AFAP1L2: variants seen among roughly 807,000 people sequenced by gnomAD.
AFAP1L2 encodes the protein actin filament-associated protein 1-like 2.
AFAP1L2 carries 46 observed loss-of-function variants against 99.3 expected under a neutral mutation model. That is an observed-to-expected ratio of 0.46 (90% CI 0.37 to 0.59). The LOEUF (loss-of-function observed/expected upper bound fraction) is 0.59. Ranked by LOEUF, AFAP1L2 falls within the 20% of genes least tolerant of loss-of-function variation. AFAP1L2 has a pLI of 0.00. For missense variants in AFAP1L2, 959 were observed against 1,034.9 expected (o/e 0.93, Z 1.01); for synonymous variants, 397 against 419.1 (o/e 0.95, Z 0.64).
At position 114,360,509 on chromosome 10, in the gene AFAP1L2, TTAGA is replaced by T. The variant is rs57811868; in HGVS notation, c.17-19782_17-19779del. On this transcript the variant is annotated intron_variant, in intron 1 of 18. Transcript: ENST00000304129. ...TCTAGATAGATAGATAGATAGATAG[TTAGA>T]TAGATAGATAGATAGATAGATAGAT... Among the ~76,000 whole-genome samples the T allele has an allele frequency of 3.2e-3, 345 of 107,378 alleles. 2 individuals are homozygous for T. Among genetic ancestry groups the T allele is most frequent in the African/African-American group, 0.011 (318 of 27,982 alleles). The allele number at this position is 107,378 out of a possible 152,430, so 70.4% of individuals were successfully genotyped here. A position where few individuals can be genotyped will look rare whatever the true frequency, so the allele number is the denominator to read the frequency against.
chr10:114,286,243 C>G, the AFAP1L2 span: 1 of 1,612,974 alleles, frequency 6.2e-7, no homozygotes, highest in Non-Finnish European at 8.5e-7. Flanking sequence ...AGCGTGGCTT[C>G]GGGAGCGCCA....
In AFAP1L2 at chr10:114,315,697, C is replaced by T. The variant is rs143236926; in HGVS notation, c.475G>A (p.Ala159Thr). 3.7e-5 allele frequency: 59 copies of T among 1,613,584 alleles called. No individual in the cohort carries two copies. In the East Asian group the frequency reaches 8.2e-4, roughly 23 times the overall value. The change falls in exon 6 of 19, where the codon GCC becomes ACC. Residue 159 changes from alanine to threonine, a missense_variant. Physicochemically the swap from Ala to Thr is moderately conservative, Grantham distance 58 (BLOSUM62 0). Around this residue, in one of 2 missense-constraint regions of AFAP1L2, gnomAD observed 383 missense variants for 472.8 expected, o/e 0.81. Coordinates refer to ENST00000304129, the MANE Select transcript of AFAP1L2 (RefSeq NM_001001936.3). ...TCCGGCGAGGGCCACTGGTAAGGGG[C>T]CGACTTGCCCTTGCTGCCGTCCTCT... ...DEEDGSKGKS[A>T]PYQWPSPEAG... is the part of the protein sequence containing the mutation.
intron 1 of AFAP1L2, among the ~76,000 whole-genome samples, chr10:114,362,561 C>T (rs377472791): frequency 1.3e-5 from 2 of 152,204 alleles, no homozygotes; most frequent in Non-Finnish European, 2.9e-5. Flanking sequence ...TCCCTAGAAT[C>T]AGCAGAGGGA....
chr10:114,295,845 C>T lies in AFAP1L2; in HGVS notation c.*197G>A. The T allele has an allele frequency of 3.5e-6, 5 of 1,414,490 alleles. No homozygotes were observed. The highest frequency in any genetic ancestry group is 4.6e-6 in the Non-Finnish European group (5 of 1,084,344). 87.6% of individuals were successfully genotyped at this position (1,414,490 alleles called of 1,614,324 possible). ...TAGACTTAGGTCTCCAAAGAAGCCTCCTTTTTGTTGTATTATTTCCTTTGG... is the reference window on the plus strand; with the variant it reads ...TAGACTTAGGTCTCCAAAGAAGCCTTCTTTTTGTTGTATTATTTCCTTTGG... On this transcript the variant is annotated 3_prime_UTR_variant, in exon 19 of 19. Coordinates refer to ENST00000304129, the MANE Select transcript of AFAP1L2 (RefSeq NM_001001936.3).
At chr10:114,382,018 A>G (rs2137450968) in intron 1 of AFAP1L2, among the ~76,000 whole-genome samples, 1 of 152,340 alleles carries the variant, frequency 6.6e-6, no homozygotes, top group East Asian at 1.9e-4. Flanking sequence ...GTTTGATACC[A>G]ATTTGTTGAT....
At chr10:114,365,618 A>T (rs1005227078) in intron 1 of AFAP1L2, among the ~76,000 whole-genome samples, 2 of 151,928 alleles carry the variant, frequency 1.3e-5, no homozygotes, top group African/African-American at 4.8e-5. Flanking sequence ...GGCCCCTACA[A>T]ATGCCTTTCT....
the AFAP1L2 span, chr10:114,281,165 G>A: frequency 2.0e-5 from 3 of 152,374 alleles, no homozygotes; most frequent in East Asian, 5.8e-4. Flanking sequence ...GCCCAGGGTG[G>A]GATCTTGTTG....
rs910634499 is a variant in AFAP1L2 at position 114,295,317 on chromosome 10, T to A, written c.*725A>T. 7 of 985,150 alleles carry A rather than the reference T, an allele frequency of 7.1e-6. No individual in the cohort carries two copies. In the African/African-American group the frequency reaches 1.0e-4, roughly 15 times the overall value. The allele number at this position is 985,150 out of a possible 1,614,324, so 61.0% of individuals were successfully genotyped here. ...GTTCTAAATGACAGGATTTTAAGCA[T>A]TTTTTCCTATATATAATACAGCATC... is the stretch of plus-strand genomic sequence containing the variant. On this transcript the variant is annotated 3_prime_UTR_variant, in exon 19 of 19. Transcript: ENST00000304129.
chr10:114,374,479 G>A (rs1185603279), intron 1 of AFAP1L2, among the ~76,000 whole-genome samples: 2 of 152,152 alleles, frequency 1.3e-5, no homozygotes, highest in Admixed American at 1.3e-4. Context: ...AGCTGAGCGA[G>A]AGAGACTCCC....
At chr10:114,358,904 A>G (rs2051796942) in intron 1 of AFAP1L2, among the ~76,000 whole-genome samples, 1 of 131,544 alleles carries the variant, frequency 7.6e-6, no homozygotes, top group South Asian at 3.0e-4. Flanking sequence ...AATAGGAGCA[A>G]GACTCCATCT....
intron 2 of AFAP1L2, among the ~76,000 whole-genome samples, chr10:114,339,160 T>C (rs2048400869): frequency 1.3e-5 from 2 of 152,248 alleles, no homozygotes; most frequent in Admixed American, 6.5e-5. Flanking sequence ...AAGAGTGCTT[T>C]GAAAATACTT....
chr10:114,356,599 G>A (rs2051428709), intron 1 of AFAP1L2, among the ~76,000 whole-genome samples: 1 of 152,116 alleles, frequency 6.6e-6, no homozygotes, highest in Non-Finnish European at 1.5e-5. Context: ...CTATTGGATA[G>A]TACTGATCTA....
intron 4 of AFAP1L2, among the ~76,000 whole-genome samples, chr10:114,328,024 G>A (rs919181407): frequency 4.1e-4 from 63 of 152,226 alleles, no homozygotes; most frequent in African/African-American, 1.5e-3. Flanking sequence ...AGGCCTCAGA[G>A]GGACGATGGG....
At chr10:114,337,530 G>C (rs1397613901) in intron 2 of AFAP1L2, among the ~76,000 whole-genome samples, 4 of 152,180 alleles carry the variant, frequency 2.6e-5, no homozygotes, top group Non-Finnish European at 5.9e-5. Flanking sequence ...CTCTGGAGGT[G>C]ATTCACCTTG....
chr10:114,317,160 C>CATTTGATTTTACTAAGAAGCAT (rs57241577), intron 5 of AFAP1L2, among the ~76,000 whole-genome samples: 3 of 152,128 alleles, frequency 2.0e-5, no homozygotes, highest in Non-Finnish European at 4.4e-5. Context: ...CTAAGAAGCA[C>CATTTGATTTTACTAAGAAGCAT]GTTTGATTTT....
chr10:114,362,455 G>A (rs538539546), intron 1 of AFAP1L2, among the ~76,000 whole-genome samples: 1 of 152,092 alleles, frequency 6.6e-6, no homozygotes, highest in Non-Finnish European at 1.5e-5. Context: ...CAGAGAATAA[G>A]GTCTTGTGAA....
chr10:114,358,991 A>G (rs951423788), intron 1 of AFAP1L2, among the ~76,000 whole-genome samples: 3 of 152,242 alleles, frequency 2.0e-5, no homozygotes, highest in Non-Finnish European at 2.9e-5. Flanking sequence ...CTAGATTCGT[A>G]TATACATACA....
At chr10:114,355,651 C>G (rs1564964551) in intron 1 of AFAP1L2, among the ~76,000 whole-genome samples, 2 of 152,134 alleles carry the variant, frequency 1.3e-5, no homozygotes, top group African/African-American at 4.8e-5. Flanking sequence ...TGCATACCAT[C>G]TAATAAAGGC....
At chr10:114,347,241 G>A (rs528252914) in intron 1 of AFAP1L2, among the ~76,000 whole-genome samples, 1 of 152,310 alleles carries the variant, frequency 6.6e-6, no homozygotes, top group African/African-American at 2.4e-5. Context: ...GCATCCTACA[G>A]ATGCCAGGGA....
Sources: allele counts gnomAD v4.1 joint callset (sites outside exome capture counted in the v4.1 genomes callset), GRCh38; gene constraint gnomAD v4.1.1; regional missense constraint gnomAD v4.1.1; transcripts MANE v1.5; gene names NCBI Gene and HGNC (gene_info 2026-07-23, HGNC 2026-07-21).